The following ELMO1 variants were observed in gnomAD, a reference collection of about 807,000 sequenced individuals.
ELMO1 encodes engulfment and cell motility 1.
A neutral mutation model predicts 98.9 loss-of-function variants in ELMO1; 26 were observed. The ratio of observed to expected loss-of-function variants is 0.26; its 90% CI spans 0.19 to 0.36. The LOEUF (loss-of-function observed/expected upper bound fraction) is 0.36, where lower values mean the gene tolerates loss of function less well. ELMO1 is among the 10% of genes least tolerant of loss of function. ELMO1 has a pLI of 1.00. For synonymous variants in ELMO1, 346 were observed against 346.0 expected (o/e 1.00, Z 0.00); for missense variants, 627 against 935.2 (o/e 0.67, Z 4.30).
At chr7:37,382,338 A>G (rs1443704774) in intron 1 of ELMO1, among the ~76,000 whole-genome samples, 3 of 152,252 alleles carry the variant, frequency 2.0e-5, no homozygotes, top group African/African-American at 4.8e-5. Context: ...CCCAAATAGT[A>G]ACATTTTATC....
chr7:37,232,256 T>C (rs1335549489), intron 8 of ELMO1, among the ~76,000 whole-genome samples: 1 of 152,248 alleles, frequency 6.6e-6, no homozygotes, highest in African/African-American at 2.4e-5. Context: ...CAGTAACCGA[T>C]ACTTATAAAA....
chr7:36,993,148 G>C (rs111726883), intron 16 of ELMO1, among the ~76,000 whole-genome samples: 81 of 152,250 alleles, frequency 5.3e-4, no homozygotes, highest in African/African-American at 1.3e-3. Flanking sequence ...TGTTCTGAAG[G>C]GGGTGGACAA....
intron 7 of ELMO1, among the ~76,000 whole-genome samples, chr7:37,240,295 T>TC (rs1262420001): frequency 1.3e-5 from 2 of 152,094 alleles, no homozygotes; most frequent in African/African-American, 4.8e-5. Flanking sequence ...TGCCTTGGCC[T>TC]CCCCAAGTGC....
chr7:37,227,192 C>A (rs766097408), intron 8 of ELMO1, among the ~76,000 whole-genome samples: 3 of 152,102 alleles, frequency 2.0e-5, no homozygotes, highest in Admixed American at 2.0e-4. Flanking sequence ...AGAGTATATA[C>A]AAATAACACT....
intron 1 of ELMO1, among the ~76,000 whole-genome samples, chr7:37,401,298 A>C (rs762426015): frequency 6.6e-6 from 1 of 152,164 alleles, no homozygotes; most frequent in Non-Finnish European, 1.5e-5. Flanking sequence ...TTCAGGACCT[A>C]CCACCCCAAA....
At chr7:36,975,740 G>A (rs551500838) in intron 16 of ELMO1, among the ~76,000 whole-genome samples, 2 of 151,424 alleles carry the variant, frequency 1.3e-5, no homozygotes, top group East Asian at 2.0e-4. Flanking sequence ...CCAGCTACTT[G>A]GGAGGCTAAG....
At chr7:36,858,754 C>T (rs1208884058) in intron 21 of ELMO1, among the ~76,000 whole-genome samples, 1 of 152,082 alleles carries the variant, frequency 6.6e-6, no homozygotes, top group East Asian at 1.9e-4. Context: ...AAAGGTTCAA[C>T]CAGCCATTGC....
At chr7:37,435,047 C>G (rs1365357771) in intron 1 of ELMO1, 1 of 152,196 alleles carries the variant, frequency 6.6e-6, no homozygotes, top group African/African-American at 2.4e-5. Context: ...TTATGGATCA[C>G]CTAGTACACC....
intron 1 of ELMO1, among the ~76,000 whole-genome samples, chr7:37,398,776 G>A (rs1457792431): frequency 6.6e-6 from 1 of 152,154 alleles, no homozygotes; most frequent in African/African-American, 2.4e-5. Context: ...TGACCCTTCT[G>A]CTAGACTCAG....
intron 14 of ELMO1, among the ~76,000 whole-genome samples, chr7:37,103,125 A>C (rs1398464110): frequency 6.6e-6 from 1 of 152,232 alleles, no homozygotes. Flanking sequence ...AAACACCTCA[A>C]ACACTTGATG....
intron 15 of ELMO1, among the ~76,000 whole-genome samples, chr7:37,027,353 T>G (rs182087215): frequency 4.6e-4 from 70 of 152,240 alleles, no homozygotes; most frequent in Admixed American, 1.8e-3. Flanking sequence ...CCCTTTACCA[T>G]GCACCACCTG....
intron 4 of ELMO1, among the ~76,000 whole-genome samples, chr7:37,314,556 T>C (rs1160136411): frequency 1.3e-5 from 2 of 152,186 alleles, no homozygotes; most frequent in East Asian, 3.9e-4. Flanking sequence ...CCCAACTAAG[T>C]CATTAAGTAT....
intron 16 of ELMO1, among the ~76,000 whole-genome samples, chr7:36,999,996 C>A (rs532780837): frequency 1.3e-4 from 20 of 152,206 alleles, no homozygotes; most frequent in African/African-American, 4.6e-4. Context: ...CATGCACAAG[C>A]AAATTTTTAT....
chr7:36,895,978 T>TAAGAAACTTC (rs1805966430), intron 16 of ELMO1, among the ~76,000 whole-genome samples: 1 of 152,206 alleles, frequency 6.6e-6, no homozygotes, highest in Non-Finnish European at 1.5e-5. Flanking sequence ...TTTGAAACTT[T>TAAGAAACTTC]AAGAAACTTC....
At chr7:37,137,546 T>G (rs1787351276) in intron 13 of ELMO1, among the ~76,000 whole-genome samples, 1 of 152,112 alleles carries the variant, frequency 6.6e-6, no homozygotes, top group Non-Finnish European at 1.5e-5. Context: ...TCAGTAATTT[T>G]TTTTTTTTTG....
chr7:37,185,450 G>A (rs1791138678), intron 13 of ELMO1, among the ~76,000 whole-genome samples: 1 of 152,184 alleles, frequency 6.6e-6, no homozygotes, highest in Non-Finnish European at 1.5e-5. Flanking sequence ...TGATAACTGA[G>A]TTCCAAACAA....
chr7:37,343,336 CGGTGGGG>C (rs1370909509), intron 1 of ELMO1, among the ~76,000 whole-genome samples: 1 of 151,096 alleles, frequency 6.6e-6, no homozygotes, highest in African/African-American at 2.4e-5. Flanking sequence ...AATGCACCTT[CGGTGGGG>C]GGTGGGGGTG....
chr7:36,867,388 T>C (rs1245560110), intron 20 of ELMO1, among the ~76,000 whole-genome samples: 18 of 152,198 alleles, frequency 1.2e-4, no homozygotes. Flanking sequence ...TCCACATCTG[T>C]TATATGGGTG....
At chr7:37,027,453 T>G (rs1205217657) in intron 15 of ELMO1, among the ~76,000 whole-genome samples, 1 of 152,162 alleles carries the variant, frequency 6.6e-6, no homozygotes, top group Non-Finnish European at 1.5e-5. Flanking sequence ...CCTCAAGGAC[T>G]GCATAACATT....
Sources: gnomAD v4.1 joint callset for allele counts (sites outside exome capture counted in the v4.1 genomes callset) on GRCh38, gnomAD v4.1.1 for gene constraint, MANE v1.5 for transcripts, NCBI Gene and HGNC (gene_info 2026-07-23, HGNC 2026-07-21) for gene names.